IL1RN: variants seen among roughly 807,000 people sequenced by gnomAD.
IL1RN encodes the protein interleukin-1 receptor antagonist protein.
In IL1RN, 10 loss-of-function variants were observed where a neutral mutation model predicts 13.7. That is an observed-to-expected ratio of 0.73 (90% confidence interval 0.45 to 1.24). The LOEUF (loss-of-function observed/expected upper bound fraction) is 1.24, where lower values mean the gene tolerates loss of function less well. Among genes scored for constraint, IL1RN ranks in the 50% most tolerant of loss-of-function variants. The pLI, the probability that IL1RN is intolerant of heterozygous loss-of-function variation, is 0.00. For synonymous variants in IL1RN, 102 were observed against 82.7 expected (o/e 1.23, Z -1.27); for missense variants, 213 against 222.1 (o/e 0.96, Z 0.26).
chr2:113,103,787 T>C (rs1005802108), upstream of IL1RN, among the ~76,000 whole-genome samples: 1 of 152,068 alleles, frequency 6.6e-6, no homozygotes, highest in Non-Finnish European at 1.5e-5. Context: ...GGTGGGAAGG[T>C]GATGGATTCT....
intron 1 of IL1RN, among the ~76,000 whole-genome samples, chr2:113,128,948 C>T (rs564506926): frequency 1.5e-3 from 232 of 152,290 alleles, no homozygotes; most frequent in Admixed American, 2.0e-3. Context: ...AGGGTAGCTG[C>T]TCCTGCAGGA....
the IL1RN span, among the ~76,000 whole-genome samples, chr2:113,100,839 G>T: frequency 6.6e-6 from 1 of 152,174 alleles, no homozygotes; most frequent in Non-Finnish European, 1.5e-5. Context: ...CCAGTGGATG[G>T]GCGATCAGGA....
chr2:113,116,935 G>A (rs4252037), upstream of IL1RN, among the ~76,000 whole-genome samples: 1,930 of 152,368 alleles, frequency 0.013, 16 homozygotes, highest in Admixed American at 0.027. Context: ...AAGGGCAGAA[G>A]TGGTGTGCCC....
At chr2:113,103,195 A>T (rs1192728286), upstream of IL1RN, among the ~76,000 whole-genome samples, 1 of 152,176 alleles carries the variant, frequency 6.6e-6, no homozygotes, top group East Asian at 1.9e-4. Flanking sequence ...GAGGTGGAGG[A>T]GTCACAGGTG....
At position 113,128,527 on chromosome 2, in the gene IL1RN, T is replaced by C. The variant is rs552355274; in HGVS notation, c.116+787T>C. 5.3e-5 allele frequency among the ~76,000 whole-genome samples: 8 copies of C among 152,206 alleles called. No homozygotes were observed. The East Asian group carries it at 1.5e-3, about 29-fold the overall frequency. ...CTCCCTTCCAGATATGGGGACTGTC[T>C]GCTTCCCTAGGTTGCCTCTCCCTGC... On this transcript the variant is annotated intron_variant, in intron 1 of 3. Transcript: ENST00000409930.
chr2:113,126,333 A>G (rs551686742), upstream of IL1RN, among the ~76,000 whole-genome samples: 55 of 152,280 alleles, frequency 3.6e-4, 1 homozygote, highest in Middle Eastern at 3.4e-3. Context: ...ATTTCTCTGC[A>G]TACTTTTGCC....
Position 113,119,961 on chromosome 2 carries a change from G to T in IL1RN, c.11-105G>T. 7.9e-6 allele frequency: 7 copies of T among 881,388 alleles called. 1 individual carries two copies. In the South Asian group the frequency reaches 9.8e-5, roughly 12 times the overall value. The allele number at this position is 881,388 out of a possible 1,614,324, so 54.6% of individuals were successfully genotyped here. A position where few individuals can be genotyped will look rare whatever the true frequency, so the allele number is the denominator to read the frequency against. ...GTGAGAACAGAGGGTAAAGGATAGA[G>T]ATGGAACCATGTGCATACACTTTGT... On this transcript the variant is annotated intron_variant, in intron 1 of 5. Transcript: ENST00000259206.
upstream of IL1RN, among the ~76,000 whole-genome samples, chr2:113,117,005 C>T (rs1686610120): frequency 1.3e-5 from 2 of 152,208 alleles, no homozygotes; most frequent in Admixed American, 6.5e-5. Flanking sequence ...TCGTCCTGCC[C>T]AGGGGTCTCT....
chr2:113,112,931 G>T (rs1040714484), upstream of IL1RN: 2 of 152,148 alleles, frequency 1.3e-5, no homozygotes, highest in Non-Finnish European at 2.9e-5. Flanking sequence ...GTTGTTTGTT[G>T]TTGTTGCAAG....
chr2:113,109,763 C>CAA (rs55942804), upstream of IL1RN, among the ~76,000 whole-genome samples: 211 of 136,746 alleles, frequency 1.5e-3, no homozygotes, highest in Middle Eastern at 0.019. Flanking sequence ...ATTATGACTG[C>CAA]AAAAAAAAAA....
chr2:113,116,637 T>G (rs532789494), upstream of IL1RN, among the ~76,000 whole-genome samples: 1 of 152,026 alleles, frequency 6.6e-6, no homozygotes, highest in South Asian at 2.1e-4. Flanking sequence ...CAGATCCCTG[T>G]TGAGAAGTTT....
At chr2:113,100,196 G>A in the IL1RN span, among the ~76,000 whole-genome samples, 2 of 151,260 alleles carry the variant, frequency 1.3e-5, no homozygotes, top group Non-Finnish European at 3.0e-5. Flanking sequence ...CGTGGTGGCG[G>A]GCGCCTGTAG....
At chr2:113,100,358 A>G in the IL1RN span, among the ~76,000 whole-genome samples, 7 of 149,860 alleles carry the variant, frequency 4.7e-5, no homozygotes, top group African/African-American at 1.2e-4. Context: ...AAAACTGGAG[A>G]TTATTTTGAG....
chr2:113,119,916 T>G, intron 1 of IL1RN: 2 of 712,762 alleles, frequency 2.8e-6, no homozygotes, highest in Non-Finnish European at 5.1e-6. Flanking sequence ...GGGTGCATAC[T>G]CGGACTGGAA....
At chr2:113,111,794 G>A (rs1025705057) in intron 1 of IL1RN, among the ~76,000 whole-genome samples, 8 of 152,346 alleles carry the variant, frequency 5.3e-5, no homozygotes, top group South Asian at 4.1e-4. Context: ...GCTAGGCTTC[G>A]TGTGCACACA....
chr2:113,116,522 C>T (rs976248274), upstream of IL1RN, among the ~76,000 whole-genome samples: 2 of 152,128 alleles, frequency 1.3e-5, no homozygotes, highest in Admixed American at 1.3e-4. Context: ...TTCCTGTGGC[C>T]GGCTCCCTGC....
chr2:113,118,882 C>A (rs1000309293), intron 1 of IL1RN, among the ~76,000 whole-genome samples: 16 of 152,130 alleles, frequency 1.1e-4, no homozygotes, highest in South Asian at 1.0e-3. Flanking sequence ...ATTAAAAATA[C>A]AAAAATTAGC....
At chr2:113,110,252 T>G (rs1016355353), upstream of IL1RN, among the ~76,000 whole-genome samples, 3 of 152,196 alleles carry the variant, frequency 2.0e-5, no homozygotes, top group African/African-American at 7.2e-5. Context: ...CAGGTCCTAC[T>G]CTGAAGCCTT....
At chr2:113,103,545 C>A (rs1686344930), upstream of IL1RN, among the ~76,000 whole-genome samples, 1 of 152,186 alleles carries the variant, frequency 6.6e-6, no homozygotes, top group African/African-American at 2.4e-5. Context: ...GAAATGGATT[C>A]TCCCCCAGAG....
Sources: allele counts gnomAD v4.1 joint callset (sites outside exome capture counted in the v4.1 genomes callset), GRCh38; gene constraint gnomAD v4.1.1; transcripts MANE v1.5; gene names NCBI Gene and HGNC (gene_info 2026-07-23, HGNC 2026-07-21).